The following ATOSB variants were observed in gnomAD, a reference collection of about 807,000 sequenced individuals.
ATOSB encodes atos homolog protein B.
the ATOSB span, chr9:35,105,988 A>G: frequency 6.2e-7 from 1 of 1,613,890 alleles, no homozygotes; most frequent in South Asian, 1.1e-5. The surrounding 1 kb of genome is among the most constrained non-coding windows in gnomAD (Gnocchi z 5.5). Flanking sequence ...TTCCTCCCCA[A>G]GGGGTTCAGA....
At chr9:35,115,577 TCAGA>T in the ATOSB span, 1 of 57,446 alleles carries the variant, frequency 1.7e-5, no homozygotes, top group Non-Finnish European at 3.2e-5. Flanking sequence ...ACCCCCCACA[TCAGA>T]CAGAGACAGC....
At chr9:35,107,752 G>C in the ATOSB span, 4 of 1,573,474 alleles carry the variant, frequency 2.5e-6, no homozygotes, top group South Asian at 1.2e-5. Context: ...GCTGGCCCTG[G>C]GGACTCCCCC....
chr9:35,108,408 A>T, the ATOSB span: 1 of 1,409,532 alleles, frequency 7.1e-7, no homozygotes, highest in Admixed American at 3.3e-5. Flanking sequence ...TCTTCCTTCC[A>T]GCTGAGTTTC....
At chr9:35,105,914 ACTC>A in the ATOSB span, 3 of 1,613,188 alleles carry the variant, frequency 1.9e-6, no homozygotes, top group Non-Finnish European at 2.5e-6. This position sits in a 1 kb window ranked among gnomAD's most constrained non-coding sequence, Gnocchi z 5.5. Flanking sequence ...CTCTCTCCCC[ACTC>A]CCACTCCCTC....
the ATOSB span, chr9:35,105,441 C>T: frequency 6.5e-7 from 1 of 1,545,668 alleles, no homozygotes; most frequent in East Asian, 2.3e-5. This position sits in a 1 kb window ranked among gnomAD's most constrained non-coding sequence, Gnocchi z 5.5. Context: ...CCTGTAATTC[C>T]AGTGCTTTGG....
chr9:35,109,069 A>T, the ATOSB span: 1 of 152,236 alleles, frequency 6.6e-6, no homozygotes, highest in Non-Finnish European at 1.5e-5. Flanking sequence ...GTGTCAGCTG[A>T]GAGGCGGCCA....
the ATOSB span, chr9:35,107,334 A>G: frequency 6.4e-7 from 1 of 1,557,880 alleles, no homozygotes; most frequent in Non-Finnish European, 8.6e-7. Flanking sequence ...AAAAAAAAAA[A>G]AAAAAAAAAG....
At chr9:35,107,506 C>G in the ATOSB span, 1 of 1,605,338 alleles carries the variant, frequency 6.2e-7, no homozygotes, top group South Asian at 1.1e-5. Context: ...GGCCCCTCTT[C>G]CTCAGAGCTG....
At chr9:35,108,157 C>T in the ATOSB span, 8 of 1,585,536 alleles carry the variant, frequency 5.0e-6, no homozygotes, top group African/African-American at 4.1e-5. Flanking sequence ...GTCGCCCCCC[C>T]TGCTGGGCTG....
the ATOSB span, chr9:35,105,225 G>C: frequency 3.7e-6 from 6 of 1,612,504 alleles, no homozygotes; most frequent in Admixed American, 3.3e-5. The surrounding 1 kb of genome is among the most constrained non-coding windows in gnomAD (Gnocchi z 5.5). Flanking sequence ...TGGCAATCAG[G>C]GCAAAGGTGA....
chr9:35,114,491 A>G, the ATOSB span, among the ~76,000 whole-genome samples: 1 of 151,916 alleles, frequency 6.6e-6, no homozygotes, highest in Admixed American at 6.6e-5. Flanking sequence ...GTGGAACTCA[A>G]GCCTTTCCCA....
chr9:35,106,269 C>T, the ATOSB span: 1 of 1,613,838 alleles, frequency 6.2e-7, no homozygotes, highest in African/African-American at 1.3e-5. The surrounding 1 kb of genome is among the most constrained non-coding windows in gnomAD (Gnocchi z 4.6). Context: ...GGAGCCGGGG[C>T]ATTTTGCTCA....
At chr9:35,105,778 A>C in the ATOSB span, 2 of 1,614,032 alleles carry the variant, frequency 1.2e-6, no homozygotes, top group Non-Finnish European at 1.7e-6. The surrounding 1 kb of genome is among the most constrained non-coding windows in gnomAD (Gnocchi z 5.5). Flanking sequence ...CAGGAAGGTC[A>C]TGTGGGCAGC....
the ATOSB span, chr9:35,110,964 G>A: frequency 6.6e-6 from 1 of 152,254 alleles, no homozygotes; most frequent in Non-Finnish European, 1.5e-5. Context: ...ATCCACACAA[G>A]CTAGGGGGGC....
the ATOSB span, among the ~76,000 whole-genome samples, chr9:35,115,144 C>T: frequency 1.3e-5 from 2 of 152,120 alleles, no homozygotes; most frequent in African/African-American, 4.8e-5. Context: ...TCCCCCGGGA[C>T]CTCAGCTTAG....
the ATOSB span, chr9:35,106,903 A>G: frequency 3.2e-6 from 5 of 1,563,442 alleles, no homozygotes; most frequent in Admixed American, 9.4e-5. The surrounding 1 kb of genome is among the most constrained non-coding windows in gnomAD (Gnocchi z 4.6). Flanking sequence ...TACGGAGAGA[A>G]ATGATTGGGA....
chr9:35,108,494 A>G, the ATOSB span: 1 of 1,286,308 alleles, frequency 7.8e-7, no homozygotes, highest in Non-Finnish European at 1.0e-6. Context: ...TGGATGGACT[A>G]ATGGAATATA....
chr9:35,113,482 A>G, the ATOSB span, among the ~76,000 whole-genome samples: 1 of 151,832 alleles, frequency 6.6e-6, no homozygotes, highest in Non-Finnish European at 1.5e-5. Flanking sequence ...AAATTAGCTG[A>G]GTGTGGTGGC....
At chr9:35,110,221 A>G in the ATOSB span, 1 of 152,244 alleles carries the variant, frequency 6.6e-6, no homozygotes, top group African/African-American at 2.4e-5. Context: ...CAGAACACCA[A>G]TCGCAACCTG....
Sources: allele counts gnomAD v4.1 joint callset (sites outside exome capture counted in the v4.1 genomes callset), GRCh38; gene constraint gnomAD v4.1.1; non-coding constraint Gnocchi (gnomAD v3.1); transcripts MANE v1.5; gene names NCBI Gene and HGNC (gene_info 2026-07-23, HGNC 2026-07-21).